TENM2: variants seen among roughly 807,000 people sequenced by gnomAD.
The protein encoded by TENM2 is teneurin-2.
TENM2 carries 52 observed loss-of-function variants against 245.2 expected under a neutral mutation model. The ratio of observed to expected loss-of-function variants is 0.21; its 90% CI spans 0.17 to 0.27. The LOEUF (loss-of-function observed/expected upper bound fraction) is 0.27. TENM2 is among the 10% of genes least tolerant of loss of function. The pLI, the probability that TENM2 is intolerant of heterozygous loss-of-function variation, is 1.00. For missense variants in TENM2, 3,046 were observed against 3,666.8 expected, an observed-to-expected ratio of 0.83 and a Z score of 4.37; for synonymous variants, 1,363 against 1,438.9, an observed-to-expected ratio of 0.95 and a Z score of 1.19.
the TENM2 span, among the ~76,000 whole-genome samples, chr5:167,026,884 C>T: frequency 1.3e-5 from 2 of 152,060 alleles, no homozygotes; most frequent in South Asian, 2.1e-4. Flanking sequence ...AGCAACATAG[C>T]GAATGAGCTA....
the TENM2 span, among the ~76,000 whole-genome samples, chr5:167,052,535 A>C: frequency 6.6e-6 from 1 of 152,180 alleles, no homozygotes; most frequent in Non-Finnish European, 1.5e-5. Flanking sequence ...TGATACAACA[A>C]ATATGCTGCT....
chr5:168,254,549 A>T (rs765594958), intron 27 of TENM2, among the ~76,000 whole-genome samples: 2 of 152,062 alleles, frequency 1.3e-5, no homozygotes, highest in Non-Finnish European at 2.9e-5. Flanking sequence ...TAGAAAGAAA[A>T]GTAAGAGGAA....
At chr5:167,143,927 C>T in the TENM2 span, among the ~76,000 whole-genome samples, 4 of 151,848 alleles carry the variant, frequency 2.6e-5, no homozygotes, top group Non-Finnish European at 5.9e-5. Flanking sequence ...GGCAAACTGG[C>T]GTTATTTTTA....
At chr5:168,035,388 T>C (rs1054316370) in intron 5 of TENM2, among the ~76,000 whole-genome samples, 2 of 151,562 alleles carry the variant, frequency 1.3e-5, no homozygotes, top group Non-Finnish European at 2.9e-5. Context: ...TCCCAGCTAC[T>C]CGGGAGGCTG....
intron 4 of TENM2, among the ~76,000 whole-genome samples, chr5:167,974,003 G>A (rs1026948097): frequency 1.0e-4 from 8 of 79,768 alleles, no homozygotes; most frequent in Non-Finnish European, 1.4e-4. Flanking sequence ...AAGGGAGAAA[G>A]GGAGGGAGGG....
intron 5 of TENM2, among the ~76,000 whole-genome samples, chr5:168,040,646 A>T (rs561124489): frequency 1.5e-4 from 23 of 152,328 alleles, no homozygotes; most frequent in African/African-American, 5.5e-4. Flanking sequence ...TCCTTTTAAG[A>T]CTTAAGGCAT....
chr5:168,176,970 T>G (rs1374205141), intron 13 of TENM2, among the ~76,000 whole-genome samples: 4 of 152,262 alleles, frequency 2.6e-5, no homozygotes, highest in Non-Finnish European at 5.9e-5. Flanking sequence ...GCTCTTCATC[T>G]GTATTATTGA....
chr5:167,656,820 C>T (rs1041806018), intron 2 of TENM2, among the ~76,000 whole-genome samples: 2 of 151,772 alleles, frequency 1.3e-5, no homozygotes, highest in African/African-American at 4.8e-5. Context: ...CTTTTAAAAG[C>T]TTTATTTTTA....
the TENM2 span, among the ~76,000 whole-genome samples, chr5:167,080,244 A>T: frequency 6.6e-6 from 1 of 152,174 alleles, no homozygotes; most frequent in Admixed American, 6.6e-5. Flanking sequence ...AGATATTGGT[A>T]TTGGTCTTCT....
At chr5:167,182,145 A>G in the TENM2 span, among the ~76,000 whole-genome samples, 47 of 152,300 alleles carry the variant, frequency 3.1e-4, no homozygotes, top group African/African-American at 1.1e-3. Flanking sequence ...TTATTTTAGC[A>G]TTTGCTATTT....
chr5:167,574,746 A>T (rs1262690018), intron 2 of TENM2, among the ~76,000 whole-genome samples: 1 of 152,208 alleles, frequency 6.6e-6, no homozygotes, highest in Non-Finnish European at 1.5e-5. Context: ...TAAGCGGCTC[A>T]ATAATGGAGG....
At chr5:167,395,447 G>A (rs1448946655) in intron 2 of TENM2, among the ~76,000 whole-genome samples, 2 of 152,034 alleles carry the variant, frequency 1.3e-5, no homozygotes, top group Non-Finnish European at 2.9e-5. Context: ...ATCTGGAAAC[G>A]GCGATAGCAT....
chr5:167,644,789 G>C (rs1169695923), intron 2 of TENM2, among the ~76,000 whole-genome samples: 1 of 152,146 alleles, frequency 6.6e-6, no homozygotes, highest in Non-Finnish European at 1.5e-5. Context: ...ACAGGCACAA[G>C]ACCTGTCCCT....
At chr5:167,986,786 G>A (rs1030096490) in intron 4 of TENM2, among the ~76,000 whole-genome samples, 15 of 152,180 alleles carry the variant, frequency 9.9e-5, no homozygotes, top group Admixed American at 9.2e-4. Flanking sequence ...CACTGAGCAG[G>A]CCTCTGAAGG....
At position 167,894,504 on chromosome 5, in the gene TENM2, C is replaced by G. The variant is rs557136748; in HGVS notation, c.712+18309C>G. On this transcript the variant is annotated intron_variant, in intron 3 of 28. Transcript: ENST00000518659. ...TGCATTCTTTGGAAACATCCAAACT[C>G]TTTCCTCTGACAGCCTTGTACTTCC... Among the ~76,000 whole-genome samples the G allele has an allele frequency of 4.6e-5, 7 of 152,270 alleles. No homozygotes were observed. In the South Asian group the frequency reaches 1.5e-3, roughly 32 times the overall value.
chr5:167,806,507 C>T (rs1323049005), intron 2 of TENM2, among the ~76,000 whole-genome samples: 1 of 152,086 alleles, frequency 6.6e-6, no homozygotes, highest in African/African-American at 2.4e-5. Context: ...CCCGTGTTAC[C>T]TTCTCTTCCC....
intron 2 of TENM2, among the ~76,000 whole-genome samples, chr5:167,640,114 T>C (rs1202784505): frequency 1.3e-5 from 2 of 152,214 alleles, no homozygotes; most frequent in African/African-American, 4.8e-5. Context: ...TGTTGAGATA[T>C]ATGTTTACAC....
exon 16 of TENM2, chr5:168,199,076 G>A: frequency 6.2e-7 from 1 of 1,613,840 alleles, no homozygotes; most frequent in Non-Finnish European, 8.5e-7. Flanking sequence ...CTTCTTTAGT[G>A]CTGCCCCTGG....
At chr5:167,013,570 G>T in the TENM2 span, among the ~76,000 whole-genome samples, 14 of 152,148 alleles carry the variant, frequency 9.2e-5, no homozygotes, top group Non-Finnish European at 2.1e-4. Context: ...AGCCAGGCAT[G>T]GTGGTGCATG....
Sources: gnomAD v4.1 joint callset for allele counts (sites outside exome capture counted in the v4.1 genomes callset) on GRCh38, gnomAD v4.1.1 for gene constraint, MANE v1.5 for transcripts, NCBI Gene and HGNC (gene_info 2026-07-23, HGNC 2026-07-21) for gene names.